Variants in MRGPRX3 observed in about 807,000 individuals in gnomAD.
MRGPRX3 encodes the protein MAS related GPR family member X3, also known as mas-related G protein-coupled receptor member X3.
A neutral mutation model predicts 16.5 loss-of-function variants in MRGPRX3; 14 were observed. The ratio of observed to expected loss-of-function variants is 0.85; its 90% CI spans 0.56 to 1.33. The LOEUF (loss-of-function observed/expected upper bound fraction) is 1.33, where lower values mean the gene tolerates loss of function less well. Among genes scored for constraint, MRGPRX3 ranks in the 40% most tolerant of loss-of-function variants. MRGPRX3 has a pLI of 0.00. For synonymous variants in MRGPRX3, 199 were observed against 180.1 expected, an observed-to-expected ratio of 1.10 and a Z score of -0.84; for missense variants, 449 against 413.0, an observed-to-expected ratio of 1.09 and a Z score of -0.76.
At chr11:18,134,247 G>T (rs1848987622) in intron 1 of MRGPRX3, among the ~76,000 whole-genome samples, 1 of 152,188 alleles carries the variant, frequency 6.6e-6, no homozygotes, top group African/African-American at 2.4e-5. Flanking sequence ...ACATGAAGAA[G>T]AAATATCTTA....
Position 18,138,443 on chromosome 11 carries a change from G to T in MRGPRX3, c.*272G>T, listed in dbSNP as rs1230413949. ...ATCTTTCCTACTGAACACTTTTTCT[G>T]CACTTTTCATTGTAATAAAAGGAGT... On this transcript the variant is annotated 3_prime_UTR_variant, in exon 2 of 2. Coordinates refer to ENST00000621697, the MANE Select transcript of MRGPRX3 (RefSeq NM_001370464.1). The T allele has an allele frequency of 1.5e-5, 6 of 395,670 alleles. No homozygotes were observed. In the Admixed American group the frequency reaches 2.5e-4, roughly 17 times the overall value. 24.5% of individuals were successfully genotyped at this position (395,670 alleles called of 1,614,324 possible).
rs566020181 is a variant in MRGPRX3, at chr11:18,126,162, T to C, written c.-152+4998T>C. Among the ~76,000 whole-genome samples, 4 of 152,362 alleles carry C rather than the reference T, an allele frequency of 2.6e-5. No homozygotes were observed. In the East Asian group the frequency reaches 7.7e-4, roughly 29 times the overall value. ...TCTTTATCCAATTTGCCAGTCTGTG[T>C]CTTTTAATTGGAGCATTTAGCCCAT... is the stretch of plus-strand genomic sequence containing the variant. On this transcript the variant is annotated intron_variant, in intron 1 of 2. Transcript: ENST00000396275.
At chr11:18,122,488 C>A (rs1848850235) in intron 1 of MRGPRX3, among the ~76,000 whole-genome samples, 1 of 152,122 alleles carries the variant, frequency 6.6e-6, no homozygotes, top group Admixed American at 6.6e-5. Flanking sequence ...GTTTCCAGCC[C>A]CATCCACGTC....
chr11:18,133,723 A>G (rs1476816906), intron 1 of MRGPRX3, among the ~76,000 whole-genome samples: 1 of 152,190 alleles, frequency 6.6e-6, no homozygotes, highest in Non-Finnish European at 1.5e-5. Context: ...CTGTAGAGCT[A>G]TTAGCCAGTT....
intron 1 of MRGPRX3, among the ~76,000 whole-genome samples, chr11:18,124,618 A>G (rs1296552900): frequency 6.6e-6 from 1 of 152,066 alleles, no homozygotes; most frequent in Non-Finnish European, 1.5e-5. Context: ...TTTTGCATCG[A>G]TATTCATCAG....
Position 18,137,859 on chromosome 11 carries a change from C to G in MRGPRX3, c.657C>G (p.Leu219=), listed in dbSNP as rs28628238. Residue 219 remains leucine (L), a synonymous_variant, in exon 2 of 2, where the codon CTC becomes CTG. Transcript: ENST00000621697. ...TGACCAGGCTGTACGTGACCATCCT[C>G]CTCACAGTGCTGGTCTTCCTCCTCT... The part of the protein sequence containing the change: ...MPLTRLYVTI[L]LTVLVFLLCG... The G allele has an allele frequency of 9.6e-3, 15,553 of 1,614,128 alleles. 1,276 individuals carry two copies. The African/African-American group carries it at 0.18, about 19-fold the overall frequency.
intron 1 of MRGPRX3, among the ~76,000 whole-genome samples, chr11:18,133,199 A>C (rs1187988741): frequency 6.6e-6 from 1 of 152,230 alleles, no homozygotes. Flanking sequence ...ACAAAGATGC[A>C]CAGAGTTAAG....
At chr11:18,134,250 A>G (rs1220567801) in intron 1 of MRGPRX3, among the ~76,000 whole-genome samples, 1 of 152,278 alleles carries the variant, frequency 6.6e-6, no homozygotes, top group Non-Finnish European at 1.5e-5. Context: ...TGAAGAAGAA[A>G]TATCTTAAAC....
rs1427846464 is a variant in MRGPRX3 at position 18,137,440 on chromosome 11, A to G, written c.238A>G (p.Ile80Val). The change falls in exon 2 of 2, where the codon ATT becomes GTT. Residue 80 changes from isoleucine to valine, a missense_variant. Physicochemically the swap from Ile to Val is conservative, Grantham distance 29. Coordinates refer to ENST00000621697, the MANE Select transcript of MRGPRX3 (RefSeq NM_001370464.1). ...CGACTTCCTCTTCCTTAGCGGCCAC[A>G]TTATATGTTCGCCGTTACGCCTCAT... is the stretch of plus-strand genomic sequence containing the variant. Reference protein sequence around the residue: ...AADFLFLSGHIICSPLRLINI... With the variant: ...AADFLFLSGHVICSPLRLINI... 7 of 1,613,994 alleles carry G rather than the reference A, an allele frequency of 4.3e-6. No homozygotes were observed. Among genetic ancestry groups the G allele is most frequent in the East Asian group, 2.2e-5 (1 of 44,888 alleles).
chr11:18,123,782 A>G (rs1258678517), intron 1 of MRGPRX3, among the ~76,000 whole-genome samples: 1 of 152,162 alleles, frequency 6.6e-6, no homozygotes, highest in African/African-American at 2.4e-5. Context: ...CTTGGGCAGT[A>G]TGGCCATTTT....
In MRGPRX3 at chr11:18,138,290, G is replaced by T. The variant is rs1849034398; in HGVS notation, c.*119G>T. 5.4e-6 allele frequency: 8 copies of T among 1,468,150 alleles called. No homozygotes were observed. The Admixed American group carries it at 1.6e-4, about 30-fold the overall frequency. The allele number at this position is 1,468,150 out of a possible 1,614,324, so 90.9% of individuals were successfully genotyped here. On this transcript the variant is annotated 3_prime_UTR_variant, in exon 2 of 2. Transcript: ENST00000621697. Reference sequence around the variant, plus strand: ...AGAAATGTCTCAGTGGTCCCTCAAGGTCTTCGAATAGATGTTTATCTAACC... The same window carrying T: ...AGAAATGTCTCAGTGGTCCCTCAAGTTCTTCGAATAGATGTTTATCTAACC...
chr11:18,137,756 T>A lies in MRGPRX3; in HGVS notation c.554T>A (p.Val185Asp). 1 of 1,614,022 alleles carries A rather than the reference T, an allele frequency of 6.2e-7. No homozygotes were observed. The highest frequency in any genetic ancestry group is 2.2e-5 in the East Asian group (1 of 44,870). The change falls in exon 2 of 2, where the codon GTT becomes GAT. Residue 185 changes from valine to aspartate, a missense_variant. Physicochemically the swap from Val to Asp is radical, Grantham distance 152. Coordinates refer to ENST00000621697, the MANE Select transcript of MRGPRX3 (RefSeq NM_001370464.1). ...GATTTCATTACAATCGCGTGGCTGG[T>A]TTTTTTATGTGTGGTTCTCTGTGGG... ...TSDFITIAWL[V>D]FLCVVLCGSS... is the part of the protein sequence containing the mutation.
chr11:18,121,497 T>C (rs1590301062), intron 1 of MRGPRX3, among the ~76,000 whole-genome samples: 1 of 152,112 alleles, frequency 6.6e-6, no homozygotes. Context: ...GTCTGGGAGG[T>C]GTGCCCAACA....
At chr11:18,121,897 G>C (rs1237591692) in intron 1 of MRGPRX3, among the ~76,000 whole-genome samples, 2 of 151,712 alleles carry the variant, frequency 1.3e-5, no homozygotes, top group African/African-American at 4.8e-5. Context: ...AGGAAAACCA[G>C]AGACCTTTGT....
chr11:18,130,200 A>C (rs1390268491), upstream of MRGPRX3, among the ~76,000 whole-genome samples: 2 of 152,172 alleles, frequency 1.3e-5, no homozygotes, highest in Non-Finnish European at 2.9e-5. Flanking sequence ...AAGAGAAAGA[A>C]ATCAAGGGCA....
At chr11:18,121,724 A>G (rs1359110853) in intron 1 of MRGPRX3, among the ~76,000 whole-genome samples, 1 of 152,256 alleles carries the variant, frequency 6.6e-6, no homozygotes, top group Non-Finnish European at 1.5e-5. Context: ...TCTCTGAAAC[A>G]TGTGCTGTGT....
chr11:18,130,696 C>CAAAAA (rs3072496), upstream of MRGPRX3, among the ~76,000 whole-genome samples: 2 of 133,216 alleles, frequency 1.5e-5, 1 homozygote, highest in African/African-American at 5.7e-5. Flanking sequence ...GAACAACAAC[C>CAAAAA]AAAAAAAAAA....
At chr11:18,121,811 T>TA (rs1407735196) in intron 1 of MRGPRX3, among the ~76,000 whole-genome samples, 10 of 152,204 alleles carry the variant, frequency 6.6e-5, no homozygotes, top group Non-Finnish European at 1.5e-4. Context: ...GCATGCTCGT[T>TA]AAGAGTCATC....
At chr11:18,127,932 T>C (rs1359112309), upstream of MRGPRX3, among the ~76,000 whole-genome samples, 2 of 152,220 alleles carry the variant, frequency 1.3e-5, no homozygotes, top group Non-Finnish European at 2.9e-5. Context: ...ATCATGGTGA[T>C]ATACAGATGG....
Sources: gnomAD v4.1 joint callset for allele counts (sites outside exome capture counted in the v4.1 genomes callset) on GRCh38, gnomAD v4.1.1 for gene constraint, MANE v1.5 for transcripts, NCBI Gene and HGNC (gene_info 2026-07-23, HGNC 2026-07-21) for gene names.